ESPN: variants seen among roughly 807,000 people sequenced by gnomAD.
The protein encoded by ESPN is autosomal recessive deafness type 36 protein.
A neutral mutation model predicts 77.7 loss-of-function variants in ESPN; 68 were observed. The ratio of observed to expected loss-of-function variants is 0.87; its 90% CI spans 0.72 to 1.07. The LOEUF (loss-of-function observed/expected upper bound fraction) is 1.07, where lower values mean the gene tolerates loss of function less well. ESPN is among the 50% of genes least tolerant of loss of function. ESPN has a pLI of 0.00. For synonymous variants in ESPN, 449 were observed against 567.1 expected (o/e 0.79, Z 2.96); for missense variants, 1,060 against 1,239.0 (o/e 0.86, Z 2.17).
Position 6,428,521 on chromosome 1 carries a change from C to G in ESPN, c.488+102C>G, listed in dbSNP as rs1643124395. On this transcript the variant is annotated intron_variant, in intron 2 of 12. Transcript: ENST00000645284. The surrounding 1 kb of genome is among the most constrained non-coding windows in gnomAD (Gnocchi z 5.4). ...CTCTCTGGCACTCCAGGGCAATGAT[C>G]CCTCCAGTGGCCATCCTGGGGCCAG... 1 of 1,056,902 alleles carries G rather than the reference C, an allele frequency of 9.5e-7. No individual in the cohort carries two copies. The allele number at this position is 1,056,902 out of a possible 1,614,324, so 65.5% of individuals were successfully genotyped here. A position where few individuals can be genotyped will look rare whatever the true frequency, so the allele number is the denominator to read the frequency against.
intron 2 of ESPN, among the ~76,000 whole-genome samples, chr1:6,438,328 G>T (rs1487338038): frequency 2.0e-5 from 3 of 152,238 alleles, no homozygotes; most frequent in South Asian, 2.1e-4. Flanking sequence ...ATGGCTGTGC[G>T]CCAGGCACCA....
At position 6,451,423 on chromosome 1, in the gene ESPN, C is replaced by T. The variant is rs989437767; in HGVS notation, c.1916-180C>T. The T allele has an allele frequency of 6.3e-6, 5 of 793,202 alleles. No homozygotes were observed. Among genetic ancestry groups the T allele is most frequent in the Admixed American group, 4.7e-5 (2 of 42,568 alleles). 49.1% of individuals were successfully genotyped at this position (793,202 alleles called of 1,614,324 possible). A position where few individuals can be genotyped will look rare whatever the true frequency, so the allele number is the denominator to read the frequency against. ...TTGCCACAGTCAGGGAACCAAGGGC[C>T]CGCCTCTGGGGGCCCTGAAACCTGC... is the stretch of plus-strand genomic sequence containing the variant. On this transcript the variant is annotated intron_variant, in intron 8 of 12. Transcript: ENST00000645284. This position sits in a 1 kb window ranked among gnomAD's most constrained non-coding sequence, Gnocchi z 4.3.
intron 5 of ESPN, among the ~76,000 whole-genome samples, chr1:6,441,659 C>T (rs1643640110): frequency 1.3e-5 from 2 of 152,240 alleles, no homozygotes; most frequent in South Asian, 4.1e-4. Context: ...GTGGATGTCT[C>T]CAAGTGCAGG....
intron 12 of ESPN, among the ~76,000 whole-genome samples, chr1:6,459,767 C>T (rs1209032283): frequency 6.6e-6 from 1 of 152,172 alleles, no homozygotes; most frequent in African/African-American, 2.4e-5. Context: ...AAACCCCAGC[C>T]CACAATAATC....
chr1:6,452,390 A>G (rs1254535391), intron 10 of ESPN, among the ~76,000 whole-genome samples: 1 of 151,914 alleles, frequency 6.6e-6, no homozygotes, highest in Non-Finnish European at 1.5e-5. Flanking sequence ...TATTTTTATT[A>G]GAGACGGGGT....
chr1:6,449,178 A>G, intron 8 of ESPN, 87 bp downstream of exon 8: 1 of 1,303,292 alleles, frequency 7.7e-7, no homozygotes, highest in African/African-American at 1.5e-5. Flanking sequence ...CCCAGCTGTC[A>G]CTGCCCGGGT....
rs1216654979 is a variant in ESPN, at chr1:6,428,303, G to T, written c.372G>T (p.Leu124Phe). Reference protein sequence around the residue: ...FGHPEVVNWLLHHGGGDPTAA... With the variant: ...FGHPEVVNWLFHHGGGDPTAA... Reference sequence around the variant, plus strand: ...ACCCCGAGGTGGTGAACTGGCTCTTGCATCATGGCGGTGGGGACCCCACCG... The same window carrying T: ...ACCCCGAGGTGGTGAACTGGCTCTTTCATCATGGCGGTGGGGACCCCACCG... Residue 124 changes from leucine to phenylalanine, a missense_variant, in exon 2 of 13, where the codon TTG becomes TTT. By Grantham distance (22) the Leu-to-Phe change is conservative. Around this residue, in one of 3 missense-constraint regions of ESPN, gnomAD observed 556 missense variants for 633.6 expected, o/e 0.88. Coordinates refer to ENST00000645284, the MANE Select transcript of ESPN (RefSeq NM_031475.3). The surrounding 1 kb of genome is among the most constrained non-coding windows in gnomAD (Gnocchi z 5.4). The T allele has an allele frequency of 6.2e-7, 1 of 1,613,146 alleles. No individual in the cohort carries two copies. Among genetic ancestry groups the T allele is most frequent in the African/African-American group, 1.3e-5 (1 of 74,928 alleles).
Position 6,428,234 on chromosome 1 carries a change from C to A in ESPN, c.303C>A (p.Asp101Glu), listed in dbSNP as rs1472673865. Residue 101 changes from aspartate to glutamate, a missense_variant, in exon 2 of 13, where the codon GAC (aspartate) becomes GAA (glutamate). Transcript: ENST00000645284. The surrounding 1 kb of genome is among the most constrained non-coding windows in gnomAD (Gnocchi z 5.4). ...CAGCTCTCCTCCCACAGGACAAAGA[C>A]AATTCTGGTGCCACAGTCTTGCATC... ...SQGGCRVQDK[D>E]NSGATVLHLA... The A allele has an allele frequency of 6.2e-7, 1 of 1,613,634 alleles. No homozygotes were observed. The highest frequency in any genetic ancestry group is 1.1e-5 in the South Asian group (1 of 91,084).
At chr1:6,448,440 C>A (rs1557711246) in intron 7 of ESPN, 5 of 525,448 alleles carry the variant, frequency 9.5e-6, no homozygotes, top group Non-Finnish European at 1.7e-5. Flanking sequence ...GTAAGGCGGG[C>A]GGAGCCTGCC....
In ESPN at chr1:6,457,201, C is replaced by T. The variant is rs1644071430; in HGVS notation, c.2343C>T (p.Ala781=). The T allele has an allele frequency of 1.2e-6, 2 of 1,606,870 alleles. No homozygotes were observed. Among genetic ancestry groups the T allele is most frequent in the South Asian group, 1.1e-5 (1 of 90,294 alleles). ...TGTTTCAGGAGGAGGAGGAGGAGGC[C>T]CGGCTGGCCAGCATGCCCGCCTGGA... ...EQRRKEEEEE[A]RLASMPAWRR... The change falls in exon 11 of 13, where the codon GCC becomes GCT. Residue 781 remains alanine, a synonymous_variant. Transcript: ENST00000645284.
intron 7 of ESPN, among the ~76,000 whole-genome samples, chr1:6,446,570 G>A (rs373065444): frequency 2.0e-5 from 3 of 152,298 alleles, no homozygotes; most frequent in South Asian, 2.1e-4. Context: ...TGGAGTGTGA[G>A]GTGCCTAGGG....
chr1:6,449,097 TA>T lies in ESPN; in HGVS notation c.1915+7del. On this transcript the variant is annotated splice_region_variant and intron_variant, in intron 8 of 12. Coordinates refer to ENST00000645284, the MANE Select transcript of ESPN (RefSeq NM_031475.3). Reference sequence around the variant, plus strand: ...CTCCTCCTCGTCCACCGGCAGTGAGTAGGGGCAGGTTGAGGGGCGTGGGGCG... The same window carrying T: ...CTCCTCCTCGTCCACCGGCAGTGAGTGGGGCAGGTTGAGGGGCGTGGGGCG... The T allele has an allele frequency of 6.8e-7, 1 of 1,478,594 alleles. No individual in the cohort carries two copies. Among genetic ancestry groups the T allele is most frequent in the East Asian group, 2.9e-5 (1 of 34,786 alleles). 91.6% of individuals were successfully genotyped at this position (1,478,594 alleles called of 1,614,324 possible). A position where few individuals can be genotyped will look rare whatever the true frequency, so the allele number is the denominator to read the frequency against.
At chr1:6,426,176 C>T (rs2148500278) in intron 1 of ESPN, among the ~76,000 whole-genome samples, 1 of 152,294 alleles carries the variant, frequency 6.6e-6, no homozygotes, top group South Asian at 2.1e-4. Flanking sequence ...TCTAAACTGG[C>T]TTACTATGCC....
chr1:6,457,342 T>A lies in ESPN; in HGVS notation c.2406-19T>A. The A allele has an allele frequency of 6.2e-7, 1 of 1,614,194 alleles. No individual in the cohort carries two copies. Among genetic ancestry groups the A allele is most frequent in the Non-Finnish European group, 8.5e-7 (1 of 1,180,038 alleles). Reference sequence around the variant, plus strand: ...CTGAGGTGGAGGTACCAAGTGACACTGTCTCTTTTTCCTTCCAGGGAGCAG... The same window carrying A: ...CTGAGGTGGAGGTACCAAGTGACACAGTCTCTTTTTCCTTCCAGGGAGCAG... On this transcript the variant is annotated intron_variant, in intron 11 of 12. Coordinates refer to ENST00000645284, the MANE Select transcript of ESPN (RefSeq NM_031475.3).
rs1463952847 is a variant in ESPN, at chr1:6,450,836, C to T, written c.1916-767C>T. Among the ~76,000 whole-genome samples, 1 of 152,078 alleles carries T rather than the reference C, an allele frequency of 6.6e-6. No individual in the cohort carries two copies. Among genetic ancestry groups the T allele is most frequent in the Non-Finnish European group, 1.5e-5 (1 of 68,002 alleles). ...TTTTATTCCTCCCTCCCAGACCTGA[C>T]CCCTTCATCGGGGCTCAAGAGACCT... On this transcript the variant is annotated intron_variant, in intron 8 of 12. Transcript: ENST00000645284. This position sits in a 1 kb window ranked among gnomAD's most constrained non-coding sequence, Gnocchi z 4.3.
Position 6,451,921 on chromosome 1 carries a change from ATGGAAGC to A in ESPN, c.2152_2158del (p.Gly718TrpfsTer38), listed in dbSNP as rs765454846. 1 of 1,611,092 alleles carries A rather than the reference ATGGAAGC, an allele frequency of 6.2e-7. No homozygotes were observed. The highest frequency in any genetic ancestry group is 1.1e-5 in the South Asian group (1 of 90,464). On this transcript the variant is annotated frameshift_variant, in exon 10 of 13. Transcript: ENST00000645284. LOFTEE classifies it high-confidence loss of function. This position sits in a 1 kb window ranked among gnomAD's most constrained non-coding sequence, Gnocchi z 4.3. ...GCTGCGGGGTTTCAGCCGCTGCTCA[ATGGAAGC>A]TTGGTTCCCGTGCCGCCCACTACTC...
At chr1:6,446,124 G>A (rs1254462570) in intron 7 of ESPN, among the ~76,000 whole-genome samples, 189 bp downstream of exon 7, 2 of 152,156 alleles carry the variant, frequency 1.3e-5, no homozygotes, top group African/African-American at 4.8e-5. Flanking sequence ...TGGGAGGAGA[G>A]TAAGAGCAGG....
intron 1 of ESPN, among the ~76,000 whole-genome samples, chr1:6,426,782 C>A (rs987256221): frequency 3.3e-5 from 5 of 152,096 alleles, no homozygotes; most frequent in Non-Finnish European, 7.4e-5. Context: ...CCTGGGTGCC[C>A]GCTAGCCAGC....
chr1:6,461,138 C>A (rs1414761386), downstream of ESPN: 1 of 631,508 alleles, frequency 1.6e-6, no homozygotes, highest in South Asian at 1.5e-5. This position sits in a 1 kb window ranked among gnomAD's most constrained non-coding sequence, Gnocchi z 6.3. Context: ...CCCGCAGAAA[C>A]GCCAAGAAGC....
Sources: allele counts gnomAD v4.1 joint callset (sites outside exome capture counted in the v4.1 genomes callset), GRCh38; gene constraint gnomAD v4.1.1; regional missense constraint gnomAD v4.1.1; non-coding constraint Gnocchi (gnomAD v3.1); transcripts MANE v1.5; gene names NCBI Gene and HGNC (gene_info 2026-07-23, HGNC 2026-07-21).